The following GLIS3 variants were observed in gnomAD, a reference collection of about 807,000 sequenced individuals.
The protein encoded by GLIS3 is GLIS family zinc finger 3.
In GLIS3, 53 loss-of-function variants were observed where a neutral mutation model predicts 78.6. That is an observed-to-expected ratio of 0.67 (90% CI 0.54 to 0.85). GLIS3 has a LOEUF of 0.85. Among genes scored for constraint, GLIS3 ranks in the 40% least tolerant of loss-of-function variants. The pLI is 0.00. For missense variants in GLIS3, 1,703 were observed against 1,231.1 expected (o/e 1.38, Z -5.74); for synonymous variants, 684 against 509.9 (o/e 1.34, Z -4.60).
At chr9:4,238,143 C>T (rs1822949134) in intron 2 of GLIS3, among the ~76,000 whole-genome samples, 1 of 152,190 alleles carries the variant, frequency 6.6e-6, no homozygotes, top group African/African-American at 2.4e-5. Flanking sequence ...TGGGACTTCT[C>T]GTTCCTACTT....
chr9:4,252,674 TGGA>T (rs1383007530), intron 2 of GLIS3, among the ~76,000 whole-genome samples: 1 of 152,140 alleles, frequency 6.6e-6, no homozygotes, highest in African/African-American at 2.4e-5. Flanking sequence ...TGTGATCCTT[TGGA>T]GGAGAAGAGG....
intron 2 of GLIS3, among the ~76,000 whole-genome samples, chr9:4,338,093 T>C (rs1363981298): frequency 1.3e-5 from 2 of 151,938 alleles, no homozygotes; most frequent in South Asian, 2.1e-4. Context: ...ACTGTATTTG[T>C]CCATAGCATG....
chr9:3,827,885 T>G lies in GLIS3; in HGVS notation c.*387A>C. 3.2e-6 allele frequency: 1 copy of G among 311,878 alleles called. No homozygotes were observed. The allele number at this position is 311,878 out of a possible 1,614,324, so 19.3% of individuals were successfully genotyped here. A position where few individuals can be genotyped will look rare whatever the true frequency, so the allele number is the denominator to read the frequency against. ...AGGCAGGTCACTATGCCTCTCGTAA[T>G]TGAGGTCTTTTTCCCTGTTTGGAGT... On this transcript the variant is annotated 3_prime_UTR_variant, in exon 11 of 11. Transcript: ENST00000381971.
intron 9 of GLIS3, among the ~76,000 whole-genome samples, chr9:3,847,953 C>G (rs578228669): frequency 2.6e-5 from 4 of 152,284 alleles, no homozygotes; most frequent in African/African-American, 9.6e-5. Flanking sequence ...ATGATAACAT[C>G]AGAATAACAT....
rs146440313 is a variant in GLIS3 at position 4,125,394 on chromosome 9, T to C, written c.596+340A>G. Among the ~76,000 whole-genome samples, 508 of 152,294 alleles carry C rather than the reference T, an allele frequency of 3.3e-3. 2 individuals carry two copies. The highest frequency in any genetic ancestry group is 5.5e-3 in the Non-Finnish European group (372 of 68,032). ...AGGTAAGATAGGTGTACATGGACCATGCAAATTTGCTAGGCCATGATATGA... is the reference window on the plus strand; with the variant it reads ...AGGTAAGATAGGTGTACATGGACCACGCAAATTTGCTAGGCCATGATATGA... On this transcript the variant is annotated intron_variant, in intron 3 of 10. Coordinates refer to ENST00000381971, the MANE Select transcript of GLIS3 (RefSeq NM_001042413.2).
chr9:4,111,268 T>C (rs1169734021), intron 4 of GLIS3, among the ~76,000 whole-genome samples: 1 of 152,220 alleles, frequency 6.6e-6, no homozygotes, highest in Non-Finnish European at 1.5e-5. Context: ...TAGTTAATGA[T>C]TTTGTTTAAT....
chr9:3,932,252 T>A, intron 6 of GLIS3, 108 bp downstream of exon 6: 1 of 832,580 alleles, frequency 1.2e-6, no homozygotes, highest in East Asian at 2.6e-5. Flanking sequence ...TAAAGCAGGT[T>A]ATACCATGAG....
At chr9:4,080,838 C>T (rs186203945) in intron 4 of GLIS3, among the ~76,000 whole-genome samples, 31 of 152,306 alleles carry the variant, frequency 2.0e-4, no homozygotes, top group Admixed American at 2.0e-3. Context: ...GCAATACCTG[C>T]AGCCAGGCCT....
At chr9:3,997,265 G>C (rs1040725550) in intron 4 of GLIS3, among the ~76,000 whole-genome samples, 19 of 152,292 alleles carry the variant, frequency 1.2e-4, no homozygotes, top group Admixed American at 9.2e-4. Flanking sequence ...AGAATCGCTT[G>C]AACTCAGGAG....
At chr9:3,995,305 A>C (rs970139206) in intron 4 of GLIS3, among the ~76,000 whole-genome samples, 10 of 152,164 alleles carry the variant, frequency 6.6e-5, no homozygotes, top group African/African-American at 2.4e-4. Context: ...ATTCATATAG[A>C]GTTAATATAG....
At chr9:4,255,740 G>T (rs1381773706) in intron 2 of GLIS3, among the ~76,000 whole-genome samples, 1 of 152,058 alleles carries the variant, frequency 6.6e-6, no homozygotes, top group Admixed American at 6.6e-5. Flanking sequence ...GGGCACAGAG[G>T]ATTTTTAGGG....
chr9:4,131,091 A>G (rs1832941481), intron 2 of GLIS3, among the ~76,000 whole-genome samples: 1 of 152,186 alleles, frequency 6.6e-6, no homozygotes, highest in South Asian at 2.1e-4. Flanking sequence ...CATAGGACCT[A>G]TAGCCCCTTT....
intron 4 of GLIS3, among the ~76,000 whole-genome samples, chr9:4,115,498 C>G (rs1005196631): frequency 6.6e-6 from 1 of 151,966 alleles, no homozygotes; most frequent in Non-Finnish European, 1.5e-5. Flanking sequence ...TTGCAAAAGG[C>G]AGAAAAATAC....
intron 2 of GLIS3, among the ~76,000 whole-genome samples, chr9:4,262,646 A>G (rs1353429494): frequency 1.3e-5 from 2 of 152,100 alleles, no homozygotes; most frequent in East Asian, 1.9e-4. Context: ...TGGTATTTTT[A>G]TTTCATTCTT....
chr9:4,453,181 A>C, the GLIS3 span, among the ~76,000 whole-genome samples: 76 of 152,284 alleles, frequency 5.0e-4, no homozygotes, highest in African/African-American at 1.8e-3. Context: ...TTAAAGACTT[A>C]AATGTTAGAC....
chr9:4,042,054 A>G (rs1443649095), intron 4 of GLIS3, among the ~76,000 whole-genome samples: 1 of 152,190 alleles, frequency 6.6e-6, no homozygotes, highest in Non-Finnish European at 1.5e-5. Flanking sequence ...CTCTCAAGCT[A>G]CAGGCCTCAT....
chr9:4,298,224 G>A (rs890423244), intron 1 of GLIS3, among the ~76,000 whole-genome samples: 2 of 152,018 alleles, frequency 1.3e-5, no homozygotes, highest in Admixed American at 1.3e-4. Context: ...CGCCACGGCC[G>A]GGCTCGCAGT....
the GLIS3 span, among the ~76,000 whole-genome samples, chr9:4,374,751 T>C: frequency 2.6e-5 from 4 of 152,350 alleles, no homozygotes; most frequent in East Asian, 3.9e-4. Context: ...AAAAAATGTA[T>C]ACAAGACTCA....
At chr9:4,300,442 A>T (rs1044858120), upstream of GLIS3, among the ~76,000 whole-genome samples, 1 of 152,210 alleles carries the variant, frequency 6.6e-6, no homozygotes, top group African/African-American at 2.4e-5. Context: ...CGGAGAGAAT[A>T]ACACAGTGAA....
Sources: allele counts gnomAD v4.1 joint callset (sites outside exome capture counted in the v4.1 genomes callset), GRCh38; gene constraint gnomAD v4.1.1; transcripts MANE v1.5; gene names NCBI Gene and HGNC (gene_info 2026-07-23, HGNC 2026-07-21).